The following DOCK1 variants were observed in gnomAD, a reference collection of about 807,000 sequenced individuals.
DOCK1 encodes dedicator of cytokinesis protein 1.
DOCK1 carries 138 observed loss-of-function variants against 262.7 expected under a neutral mutation model. The ratio of observed to expected loss-of-function variants is 0.53; its 90% CI spans 0.46 to 0.61. DOCK1 has a LOEUF of 0.61. DOCK1 is among the 20% of genes least tolerant of loss of function. The probability of loss-of-function intolerance (pLI) is 0.00; values close to 1 mark genes in which losing one functional copy is unlikely to be tolerated. For missense variants in DOCK1, 1,908 were observed against 2,370.7 expected (o/e 0.80, Z 4.05); for synonymous variants, 866 against 867.4 (o/e 1.00, Z 0.03).
chr10:127,397,738 C>T (rs115568737), intron 38 of DOCK1, among the ~76,000 whole-genome samples: 15,331 of 108,166 alleles, frequency 0.14, 836 homozygotes, highest in Middle Eastern at 0.21. Context: ...ACCCGGGCAG[C>T]GACTCCTGTA....
intron 27 of DOCK1, among the ~76,000 whole-genome samples, chr10:127,219,186 T>C (rs2058329233): frequency 6.6e-6 from 1 of 152,146 alleles, no homozygotes. Context: ...GTAGAATAAA[T>C]GGGTAAAGAA....
chr10:127,322,714 T>C (rs2062587396), intron 29 of DOCK1, among the ~76,000 whole-genome samples: 1 of 152,266 alleles, frequency 6.6e-6, no homozygotes. Context: ...CACATAGTCA[T>C]ACCCATTCAC....
intron 27 of DOCK1, among the ~76,000 whole-genome samples, chr10:127,218,570 T>C (rs2058305843): frequency 6.6e-6 from 1 of 152,218 alleles, no homozygotes; most frequent in Non-Finnish European, 1.5e-5. Context: ...GAATGACTTC[T>C]GACTGTTTGT....
chr10:126,921,312 A>G (rs1322898425), intron 1 of DOCK1, among the ~76,000 whole-genome samples: 1 of 152,200 alleles, frequency 6.6e-6, no homozygotes, highest in Non-Finnish European at 1.5e-5. Flanking sequence ...CATTGGATGA[A>G]TGGATAAACA....
intron 23 of DOCK1, among the ~76,000 whole-genome samples, chr10:127,099,174 A>G (rs944327060): frequency 2.6e-5 from 4 of 152,170 alleles, no homozygotes; most frequent in Admixed American, 6.5e-5. Flanking sequence ...AGAGAGAGGA[A>G]TGCTTCTTGA....
At chr10:127,363,425 C>T (rs535876477) in intron 33 of DOCK1, among the ~76,000 whole-genome samples, 4 of 152,142 alleles carry the variant, frequency 2.6e-5, no homozygotes, top group South Asian at 4.2e-4. Context: ...GCTGTGATCA[C>T]GCCACTGCAC....
At chr10:127,297,890 A>G (rs1215121456) in intron 29 of DOCK1, among the ~76,000 whole-genome samples, 3 of 152,002 alleles carry the variant, frequency 2.0e-5, no homozygotes, top group African/African-American at 7.2e-5. Flanking sequence ...TTCACCACCC[A>G]TTACCTATTG....
chr10:127,198,575 C>T (rs1589907088), intron 27 of DOCK1, among the ~76,000 whole-genome samples: 2 of 152,184 alleles, frequency 1.3e-5, no homozygotes, highest in African/African-American at 4.8e-5. Context: ...TGATGTATAA[C>T]TCCAGGAAGA....
intron 29 of DOCK1, among the ~76,000 whole-genome samples, chr10:127,284,909 G>A (rs1035641223): frequency 6.6e-6 from 1 of 152,186 alleles, no homozygotes; most frequent in African/African-American, 2.4e-5. Flanking sequence ...GAGACAGGTG[G>A]ATTGCTTGAG....
chr10:127,032,372 G>C, intron 18 of DOCK1, 52 bp downstream of exon 18: 2 of 1,452,882 alleles, frequency 1.4e-6, no homozygotes, highest in Non-Finnish European at 1.8e-6. Flanking sequence ...CCCCAGTCCT[G>C]TCTTTTCCAT....
chr10:127,363,036 T>TC (rs1275449089), intron 33 of DOCK1, among the ~76,000 whole-genome samples: 1 of 63,460 alleles, frequency 1.6e-5, no homozygotes, highest in African/African-American at 7.1e-5. Context: ...CACATGCACC[T>TC]CCCCCCACAC....
At chr10:126,947,719 G>GGTA (rs1485758523) in intron 1 of DOCK1, among the ~76,000 whole-genome samples, 2 of 55,578 alleles carry the variant, frequency 3.6e-5, no homozygotes, top group African/African-American at 7.1e-5. Flanking sequence ...TGATGGTGGT[G>GGTA]GTTGGTAGTA....
intron 27 of DOCK1, among the ~76,000 whole-genome samples, chr10:127,163,235 A>T (rs1340881608): frequency 6.6e-6 from 1 of 152,166 alleles, no homozygotes; most frequent in East Asian, 1.9e-4. Flanking sequence ...ACTTCTGCAG[A>T]TCGGGGCTTG....
intron 49 of DOCK1, among the ~76,000 whole-genome samples, chr10:127,439,762 C>T (rs1028845358): frequency 6.6e-6 from 1 of 152,128 alleles, no homozygotes; most frequent in African/African-American, 2.4e-5. Flanking sequence ...ATCTCCTGGC[C>T]GTCTTTCACA....
At chr10:126,983,233 C>T (rs2134873369) in intron 4 of DOCK1, among the ~76,000 whole-genome samples, 1 of 152,338 alleles carries the variant, frequency 6.6e-6, no homozygotes, top group Non-Finnish European at 1.5e-5. Flanking sequence ...CTGGCTCTAT[C>T]TGTCTCCCTT....
intron 27 of DOCK1, among the ~76,000 whole-genome samples, chr10:127,169,529 C>G (rs2054372382): frequency 6.6e-6 from 1 of 152,192 alleles, no homozygotes; most frequent in African/African-American, 2.4e-5. Flanking sequence ...AGTCCATAAC[C>G]TATGGCTTGT....
intron 12 of DOCK1, among the ~76,000 whole-genome samples, chr10:127,017,644 G>T (rs575783681): frequency 6.6e-6 from 1 of 152,200 alleles, no homozygotes; most frequent in South Asian, 2.1e-4. Context: ...CATGCTAGTA[G>T]CAGAAATGAG....
intron 1 of DOCK1, among the ~76,000 whole-genome samples, chr10:126,909,636 A>G (rs1258756547): frequency 6.6e-6 from 1 of 152,122 alleles, no homozygotes; most frequent in Non-Finnish European, 1.5e-5. Context: ...TCTTACTCAT[A>G]ATGGGACCCT....
chr10:127,198,076 T>C (rs1475273008), intron 27 of DOCK1, among the ~76,000 whole-genome samples: 1 of 152,258 alleles, frequency 6.6e-6, no homozygotes, highest in East Asian at 1.9e-4. Context: ...CCCAAGCTGA[T>C]TTTCCAGCTT....
Sources: gnomAD v4.1 joint callset for allele counts (sites outside exome capture counted in the v4.1 genomes callset) on GRCh38, gnomAD v4.1.1 for gene constraint, MANE v1.5 for transcripts, NCBI Gene and HGNC (gene_info 2026-07-23, HGNC 2026-07-21) for gene names.